COL4A4: variants seen among roughly 807,000 people sequenced by gnomAD.
COL4A4 encodes the protein collagen alpha-4(IV) chain.
A neutral mutation model predicts 192.9 loss-of-function variants in COL4A4; 105 were observed. The ratio of observed to expected loss-of-function variants is 0.54; its 90% CI spans 0.46 to 0.64. The LOEUF (loss-of-function observed/expected upper bound fraction) is 0.64. Ranked by LOEUF, COL4A4 falls within the 30% of genes least tolerant of loss-of-function variation. The pLI is 0.00. For synonymous variants in COL4A4, 762 were observed against 769.9 expected (o/e 0.99, Z 0.17); for missense variants, 1,967 against 2,169.3 (o/e 0.91, Z 1.85).
chr2:227,075,201 A>G (rs1252880124), intron 25 of COL4A4, among the ~76,000 whole-genome samples: 1 of 152,174 alleles, frequency 6.6e-6, no homozygotes, highest in African/African-American at 2.4e-5. Flanking sequence ...ACACAACAAC[A>G]AAAATTTTCA....
chr2:227,127,803 A>G (rs2062177779), intron 4 of COL4A4, among the ~76,000 whole-genome samples: 1 of 152,210 alleles, frequency 6.6e-6, no homozygotes, highest in Non-Finnish European at 1.5e-5. Flanking sequence ...TTCTGCCATG[A>G]CTTCCTGCTC....
Position 227,147,539 on chromosome 2 carries a change from T to C in COL4A4, c.-56A>G, listed in dbSNP as rs771447236. On this transcript the variant is annotated 5_prime_UTR_variant, in exon 2 of 48. Coordinates refer to ENST00000396625, the MANE Select transcript of COL4A4 (RefSeq NM_000092.5). ...TCTGCCAGTCTTCTCTTCCAGAAGG[T>C]TCTTGTTGACAAGTGAGGTTCTGTG... 2 of 1,525,678 alleles carry C rather than the reference T, an allele frequency of 1.3e-6. No homozygotes were observed. The highest frequency in any genetic ancestry group is 1.4e-5 in the African/African-American group (1 of 71,598). 94.5% of individuals were successfully genotyped at this position (1,525,678 alleles called of 1,614,324 possible).
At chr2:227,040,726 G>A (rs1169881485) in intron 37 of COL4A4, among the ~76,000 whole-genome samples, 1 of 151,812 alleles carries the variant, frequency 6.6e-6, no homozygotes, top group Non-Finnish European at 1.5e-5. Context: ...CCACCACAGA[G>A]CTAACTTTTA....
At chr2:227,062,629 A>G (rs1576238552) in intron 25 of COL4A4, 31 bp from the exon 26 acceptor site, 1 of 1,491,226 alleles carries the variant, frequency 6.7e-7, no homozygotes, top group Non-Finnish European at 9.4e-7. Flanking sequence ...CGGCATTCAC[A>G]TAACTGATAG....
chr2:227,105,225 C>T (rs1245721056), intron 12 of COL4A4, among the ~76,000 whole-genome samples: 80 of 107,606 alleles, frequency 7.4e-4, no homozygotes, highest in Non-Finnish European at 1.1e-3. Flanking sequence ...AGAGTGTTCT[C>T]TGTCACTCAG....
chr2:227,120,990 A>C (rs758300352), intron 5 of COL4A4, 24 bp downstream of exon 5: 1 of 1,613,832 alleles, frequency 6.2e-7, no homozygotes, highest in South Asian at 1.1e-5. Context: ...TTTCATGTGA[A>C]TCTCCACATA....
At chr2:227,057,706 T>C in intron 28 of COL4A4, 106 bp from the exon 29 acceptor site, 1 of 1,170,880 alleles carries the variant, frequency 8.5e-7, no homozygotes. Flanking sequence ...ATTTTCATCC[T>C]GAATCAGTGT....
At chr2:227,050,898 C>T (rs1296291438) in intron 33 of COL4A4, 79 bp downstream of exon 33, 2 of 1,564,144 alleles carry the variant, frequency 1.3e-6, no homozygotes, top group African/African-American at 2.7e-5. Context: ...TATACGCTGG[C>T]AAATTATAGC....
intron 1 of COL4A4, among the ~76,000 whole-genome samples, chr2:227,155,050 C>T (rs1029411382): frequency 2.0e-5 from 3 of 152,128 alleles, no homozygotes; most frequent in Non-Finnish European, 2.9e-5. Context: ...CATGGACCAC[C>T]GGAATGTGGA....
At chr2:227,049,950 T>C in intron 34 of COL4A4, 118 bp downstream of exon 34, 1 of 903,628 alleles carries the variant, frequency 1.1e-6, no homozygotes, top group Middle Eastern at 2.4e-4. Context: ...AAGAGCCCCT[T>C]GGGTGTTGCA....
chr2:227,028,139 G>T, intron 41 of COL4A4, 130 bp from the exon 42 acceptor site: 1 of 708,394 alleles, frequency 1.4e-6, no homozygotes. Context: ...TGAGAGTCAA[G>T]ATTAGCCTCG....
rs1159652056 is a variant in COL4A4 at position 227,005,710 on chromosome 2, T to C, written c.*1615A>G. On this transcript the variant is annotated 3_prime_UTR_variant, in exon 48 of 48. Transcript: ENST00000396625. ...GGTTTGGCAAGGAAAACATTTCTTA[T>C]AAACAAAATTTTAATTGAGTTTTTC... 6 of 152,232 alleles carry C rather than the reference T, an allele frequency of 3.9e-5. No homozygotes were observed. The highest frequency in any genetic ancestry group is 5.9e-5 in the Non-Finnish European group (4 of 68,040). 9.4% of individuals were successfully genotyped at this position (152,232 alleles called of 1,614,324 possible).
At chr2:226,978,744 C>G in the COL4A4 span, among the ~76,000 whole-genome samples, 2 of 152,172 alleles carry the variant, frequency 1.3e-5, no homozygotes, top group South Asian at 2.1e-4. Context: ...GGAGGGGATC[C>G]TGTGAGAGCT....
chr2:227,057,020 TGTG>T (rs1229777955), intron 29 of COL4A4, among the ~76,000 whole-genome samples: 58 of 152,344 alleles, frequency 3.8e-4, no homozygotes, highest in African/African-American at 1.4e-3. Context: ...AGGGGTCTCT[TGTG>T]TTCCTACGTC....
In COL4A4 at chr2:227,080,444, G is replaced by T; in HGVS notation, c.1802C>A (p.Pro601Gln). 6.2e-7 allele frequency: 1 copy of T among 1,612,630 alleles called. No individual in the cohort carries two copies. The change falls in exon 24 of 48, where the codon CCA (proline) becomes CAA (glutamine). Residue 601 changes from proline to glutamine, a missense_variant and splice_region_variant. Physicochemically the swap from Pro to Gln is moderately conservative, Grantham distance 76. Transcript: ENST00000396625. ...HAGEKGDPGP[P>Q]GDHEDATPGG... ...TAGCAAGAGAAGAATTCTACATACTGGAGGTCCTGGATCCCCTTTTTCTCC... is the reference window on the plus strand; with the variant it reads ...TAGCAAGAGAAGAATTCTACATACTTGAGGTCCTGGATCCCCTTTTTCTCC...
chr2:227,046,901 T>C (rs1277218242), intron 35 of COL4A4, among the ~76,000 whole-genome samples: 3 of 152,078 alleles, frequency 2.0e-5, no homozygotes, highest in South Asian at 2.1e-4. Context: ...TAAATTATTA[T>C]TGAGAAGCAA....
intron 43 of COL4A4, among the ~76,000 whole-genome samples, chr2:227,024,101 G>A (rs555197941): frequency 1.4e-4 from 21 of 152,256 alleles, no homozygotes; most frequent in East Asian, 5.8e-4. Flanking sequence ...AGCAGAGTCT[G>A]GATTGCAATC....
intron 44 of COL4A4, among the ~76,000 whole-genome samples, chr2:227,019,015 AT>A (rs1965477452): frequency 6.6e-6 from 1 of 152,150 alleles, no homozygotes; most frequent in Admixed American, 6.5e-5. Flanking sequence ...TTCTTTGGTT[AT>A]TTTTTTAAAG....
the COL4A4 span, among the ~76,000 whole-genome samples, chr2:226,977,905 GA>G: frequency 3.3e-5 from 5 of 152,176 alleles, no homozygotes; most frequent in African/African-American, 4.8e-5. Context: ...ACGTAAATTT[GA>G]ACAATGTGGT....
Sources: allele counts gnomAD v4.1 joint callset (sites outside exome capture counted in the v4.1 genomes callset), GRCh38; gene constraint gnomAD v4.1.1; transcripts MANE v1.5; gene names NCBI Gene and HGNC (gene_info 2026-07-23, HGNC 2026-07-21).